The following RAP1GDS1 variants were observed in gnomAD, a reference collection of about 807,000 sequenced individuals.
RAP1GDS1 encodes the protein RAP1, GTP-GDP dissociation stimulator 1.
Under a neutral mutation model 71.1 loss-of-function variants are expected in RAP1GDS1, and 35 were observed. The ratio of observed to expected loss-of-function variants is 0.49; its 90% CI spans 0.38 to 0.65. The LOEUF is 0.65. Among genes scored for constraint, RAP1GDS1 ranks in the 30% least tolerant of loss-of-function variants. RAP1GDS1 has a pLI of 0.00. For synonymous variants in RAP1GDS1, 229 were observed against 243.1 expected, an observed-to-expected ratio of 0.94 and a Z score of 0.54; for missense variants, 663 against 706.1, an observed-to-expected ratio of 0.94 and a Z score of 0.69.
intron 2 of RAP1GDS1, among the ~76,000 whole-genome samples, chr4:98,317,705 T>G (rs893410983): frequency 2.6e-5 from 4 of 151,632 alleles, no homozygotes; most frequent in African/African-American, 9.7e-5. Context: ...GCCACAGGAG[T>G]CGTGCCTTAG....
intron 7 of RAP1GDS1, among the ~76,000 whole-genome samples, chr4:98,414,725 T>G (rs561293054): frequency 1.1e-4 from 16 of 151,998 alleles, no homozygotes; most frequent in South Asian, 6.2e-4. Flanking sequence ...ATATGAACTT[T>G]AAAGTAGTTT....
intron 12 of RAP1GDS1, among the ~76,000 whole-genome samples, chr4:98,430,316 A>G (rs1750223026): frequency 6.6e-6 from 1 of 152,242 alleles, no homozygotes; most frequent in Non-Finnish European, 1.5e-5. Flanking sequence ...TACAATTGAG[A>G]GTATACTGCT....
chr4:98,315,370 T>G lies in RAP1GDS1; in HGVS notation c.112+21855T>G, dbSNP rs1730787540. On this transcript the variant is annotated intron_variant, in intron 2 of 14. Coordinates refer to ENST00000408927, the MANE Select transcript of RAP1GDS1 (RefSeq NM_001100427.2). Reference sequence around the variant, plus strand: ...ACTTTCCTTGGATGATCTCATCCACTCCATGTCTTTGACTACCAAATATGC... The same window carrying G: ...ACTTTCCTTGGATGATCTCATCCACGCCATGTCTTTGACTACCAAATATGC... Among the ~76,000 whole-genome samples, 6 of 152,300 alleles carry G rather than the reference T, an allele frequency of 3.9e-5. No homozygotes were observed. The South Asian group carries it at 1.2e-3, about 32-fold the overall frequency.
At chr4:98,308,970 G>A (rs1254225483) in intron 2 of RAP1GDS1, among the ~76,000 whole-genome samples, 1 of 152,002 alleles carries the variant, frequency 6.6e-6, no homozygotes, top group East Asian at 1.9e-4. Context: ...AGCCTTTAAA[G>A]TATATCTGTG....
At chr4:98,276,372 GTTT>G (rs1256087975) in intron 1 of RAP1GDS1, among the ~76,000 whole-genome samples, 1 of 151,890 alleles carries the variant, frequency 6.6e-6, no homozygotes, top group East Asian at 1.9e-4. Context: ...AAATCTGATT[GTTT>G]TACTCCTTAG....
chr4:98,437,958 A>T (rs1237108700), intron 14 of RAP1GDS1, among the ~76,000 whole-genome samples: 1 of 152,084 alleles, frequency 6.6e-6, no homozygotes, highest in Admixed American at 6.5e-5. Context: ...ACTAGTGTCA[A>T]GTTTCCTTTA....
At chr4:98,266,250 T>C (rs1722703989) in intron 1 of RAP1GDS1, among the ~76,000 whole-genome samples, 1 of 152,150 alleles carries the variant, frequency 6.6e-6, no homozygotes, top group Admixed American at 6.5e-5. Context: ...TCTTTGTGAC[T>C]TAGTATAGTA....
intron 2 of RAP1GDS1, among the ~76,000 whole-genome samples, chr4:98,322,378 A>G (rs1732085509): frequency 9.0e-6 from 1 of 111,220 alleles, no homozygotes; most frequent in Admixed American, 9.9e-5. Context: ...GAAAGTCAAC[A>G]AGGATACCCA....
chr4:98,347,236 A>G (rs1736424605), intron 3 of RAP1GDS1, among the ~76,000 whole-genome samples: 1 of 152,234 alleles, frequency 6.6e-6, no homozygotes, highest in Non-Finnish European at 1.5e-5. Context: ...TAAAAAGAAA[A>G]TAATTTTCAT....
intron 13 of RAP1GDS1, among the ~76,000 whole-genome samples, chr4:98,435,877 C>T (rs1353963648): frequency 6.6e-6 from 1 of 151,788 alleles, no homozygotes; most frequent in East Asian, 1.9e-4. Flanking sequence ...CGAGACCATC[C>T]TGGCTAACAC....
chr4:98,352,642 A>C, intron 4 of RAP1GDS1, 41 bp downstream of exon 4: 2 of 1,602,928 alleles, frequency 1.2e-6, no homozygotes, highest in Non-Finnish European at 1.7e-6. Flanking sequence ...CATTTTTAAG[A>C]ATTATGATAT....
chr4:98,323,213 C>T (rs1243227690), intron 2 of RAP1GDS1, among the ~76,000 whole-genome samples: 1 of 146,120 alleles, frequency 6.8e-6, no homozygotes, highest in Non-Finnish European at 1.5e-5. Context: ...TCTCCCAAGA[C>T]TAAACCAGGA....
At chr4:98,337,966 T>C (rs1275251420) in intron 2 of RAP1GDS1, among the ~76,000 whole-genome samples, 5 of 152,194 alleles carry the variant, frequency 3.3e-5, no homozygotes, top group Non-Finnish European at 5.9e-5. Context: ...CTTTGCATTT[T>C]CAGAAGTTTA....
intron 7 of RAP1GDS1, among the ~76,000 whole-genome samples, chr4:98,413,669 G>T (rs996781891): frequency 6.6e-6 from 1 of 151,882 alleles, no homozygotes; most frequent in East Asian, 1.9e-4. Flanking sequence ...GAATAATGCC[G>T]CAATAAACAT....
intron 4 of RAP1GDS1, among the ~76,000 whole-genome samples, chr4:98,366,538 T>A (rs182476773): frequency 3.3e-5 from 5 of 152,226 alleles, no homozygotes; most frequent in Non-Finnish European, 7.4e-5. Context: ...TAGGAAGAGA[T>A]TGGAGCAGTT....
intron 2 of RAP1GDS1, among the ~76,000 whole-genome samples, chr4:98,294,935 T>C (rs1031497671): frequency 1.3e-5 from 2 of 152,054 alleles, no homozygotes; most frequent in African/African-American, 4.8e-5. Context: ...CCTTCGTCTG[T>C]TTTCAGCAAC....
chr4:98,313,114 A>G (rs1210396581), intron 2 of RAP1GDS1, among the ~76,000 whole-genome samples: 5 of 150,486 alleles, frequency 3.3e-5, no homozygotes, highest in South Asian at 4.2e-4. Flanking sequence ...GGCTCATGCA[A>G]TTATGGGGGT....
intron 2 of RAP1GDS1, among the ~76,000 whole-genome samples, chr4:98,328,039 C>G (rs1560844311): frequency 6.6e-6 from 1 of 152,122 alleles, no homozygotes; most frequent in Non-Finnish European, 1.5e-5. Context: ...GCCATGAAAC[C>G]TAGCGTAAAG....
At chr4:98,400,448 A>C (rs986674373) in intron 6 of RAP1GDS1, among the ~76,000 whole-genome samples, 3 of 151,922 alleles carry the variant, frequency 2.0e-5, no homozygotes, top group African/African-American at 7.3e-5. Flanking sequence ...ACATTATGTT[A>C]AGTGAAATAA....
Sources: gnomAD v4.1 joint callset for allele counts (sites outside exome capture counted in the v4.1 genomes callset) on GRCh38, gnomAD v4.1.1 for gene constraint, MANE v1.5 for transcripts, NCBI Gene and HGNC (gene_info 2026-07-23, HGNC 2026-07-21) for gene names.